Variants in SKIC3 observed in about 807,000 individuals in gnomAD.
SKIC3 encodes the protein SKI3 subunit of superkiller complex, also known as superkiller complex protein 3.
At chr5:95,524,624 T>C in the SKIC3 span, 1 of 1,611,136 alleles carries the variant, frequency 6.2e-7, no homozygotes, top group Non-Finnish European at 8.5e-7. Flanking sequence ...AAAGAAATAG[T>C]AAAACAAATA....
At chr5:95,514,956 G>A in the SKIC3 span, 1 of 1,603,432 alleles carries the variant, frequency 6.2e-7, no homozygotes, top group Non-Finnish European at 8.5e-7. Context: ...ATTACAGCAA[G>A]TCATTTTATA....
At chr5:95,469,125 T>G in the SKIC3 span, among the ~76,000 whole-genome samples, 2 of 152,214 alleles carry the variant, frequency 1.3e-5, no homozygotes, top group South Asian at 2.1e-4. Flanking sequence ...CTGCTTTACT[T>G]ACAGATGCTT....
At chr5:95,512,435 T>A in the SKIC3 span, 1 of 1,583,484 alleles carries the variant, frequency 6.3e-7, no homozygotes, top group Non-Finnish European at 8.6e-7. Context: ...ATTATTTCAA[T>A]AGTTGCTCAA....
the SKIC3 span, among the ~76,000 whole-genome samples, chr5:95,528,497 T>C: frequency 3.3e-5 from 5 of 152,198 alleles, no homozygotes. Flanking sequence ...TTAAGGATAC[T>C]GGAAGGGGAA....
chr5:95,472,063 T>G, the SKIC3 span, among the ~76,000 whole-genome samples: 2 of 152,212 alleles, frequency 1.3e-5, no homozygotes, highest in Non-Finnish European at 2.9e-5. Context: ...TCTATTCTTC[T>G]CACTCTCTCC....
chr5:95,514,688 G>T, the SKIC3 span, among the ~76,000 whole-genome samples: 1 of 152,108 alleles, frequency 6.6e-6, no homozygotes, highest in Non-Finnish European at 1.5e-5. Context: ...TCAAAGAATT[G>T]ATGATTGATA....
chr5:95,505,469 C>T, the SKIC3 span, among the ~76,000 whole-genome samples: 1 of 152,128 alleles, frequency 6.6e-6, no homozygotes, highest in Admixed American at 6.5e-5. Flanking sequence ...AATGGAACTA[C>T]AGAAGGGAAT....
chr5:95,524,597 C>A, the SKIC3 span: 11 of 1,613,066 alleles, frequency 6.8e-6, no homozygotes, highest in Non-Finnish European at 9.3e-6. Context: ...GAAAACTAAG[C>A]CACCAAAGGG....
chr5:95,531,046 T>A, the SKIC3 span, among the ~76,000 whole-genome samples: 1 of 151,424 alleles, frequency 6.6e-6, no homozygotes, highest in Non-Finnish European at 1.5e-5. Context: ...GCAATAAATA[T>A]GGGAAACAAA....
At chr5:95,497,342 T>C in the SKIC3 span, 2 of 1,245,234 alleles carry the variant, frequency 1.6e-6, no homozygotes, top group South Asian at 2.6e-5. Flanking sequence ...AATAATGCCA[T>C]AGTTTAAAAT....
At chr5:95,492,674 A>AAAAAAAAAAAAAAAAAAAAG in the SKIC3 span, among the ~76,000 whole-genome samples, 3 of 141,044 alleles carry the variant, frequency 2.1e-5, no homozygotes, top group Non-Finnish European at 4.6e-5. Context: ...AAAAAAAAAA[A>AAAAAAAAAAAAAAAAAAAAG]AAAAAAAAAA....
At chr5:95,516,876 GT>G in the SKIC3 span, 1 of 1,559,040 alleles carries the variant, frequency 6.4e-7, no homozygotes, top group Middle Eastern at 2.0e-4. Context: ...AAAGCATTAT[GT>G]TTTTGAAAAG....
At chr5:95,534,943 T>C in the SKIC3 span, among the ~76,000 whole-genome samples, 8 of 152,328 alleles carry the variant, frequency 5.3e-5, no homozygotes, top group African/African-American at 1.7e-4. Flanking sequence ...CTACATTTCA[T>C]ACAAATCATC....
chr5:95,471,633 A>G, the SKIC3 span, among the ~76,000 whole-genome samples: 3 of 152,026 alleles, frequency 2.0e-5, no homozygotes, highest in Non-Finnish European at 2.9e-5. Context: ...CCCAGGCTAG[A>G]GTATGGTTAC....
At chr5:95,494,968 C>T in the SKIC3 span, 19 of 1,613,628 alleles carry the variant, frequency 1.2e-5, no homozygotes, top group African/African-American at 2.0e-4. Flanking sequence ...ACTAACCTTT[C>T]CATGATTTGA....
At chr5:95,482,429 A>C in the SKIC3 span, 11 of 1,585,842 alleles carry the variant, frequency 6.9e-6, 1 homozygote, top group South Asian at 1.1e-4. Context: ...TAATATTATG[A>C]AGTGTTTTAA....
chr5:95,507,780 A>C, the SKIC3 span, among the ~76,000 whole-genome samples: 2 of 152,334 alleles, frequency 1.3e-5, no homozygotes, highest in Non-Finnish European at 2.9e-5. Flanking sequence ...TGTGGCTTCA[A>C]CCATCAAATA....
chr5:95,469,700 T>A, the SKIC3 span: 2 of 1,593,720 alleles, frequency 1.3e-6, no homozygotes, highest in Non-Finnish European at 1.7e-6. Context: ...CTTTAAAGTT[T>A]ATAATCTTTC....
the SKIC3 span, among the ~76,000 whole-genome samples, chr5:95,535,903 G>A: frequency 1.3e-5 from 2 of 152,078 alleles, no homozygotes; most frequent in Admixed American, 6.5e-5. Context: ...CCACACTGGT[G>A]TACGTACTAA....
Sources: allele counts gnomAD v4.1 joint callset (sites outside exome capture counted in the v4.1 genomes callset), GRCh38; gene constraint gnomAD v4.1.1; transcripts MANE v1.5; gene names NCBI Gene and HGNC (gene_info 2026-07-23, HGNC 2026-07-21).